Variants in NHERF2 observed in about 807,000 individuals in gnomAD.
NHERF2 encodes Na(+)/H(+) exchange regulatory cofactor NHE-RF2.
chr16:2,027,319 G>C, the NHERF2 span: 6 of 644,246 alleles, frequency 9.3e-6, no homozygotes, highest in Non-Finnish European at 1.1e-5. Flanking sequence ...CTCCCGCGGG[G>C]AGGACGCGGA....
chr16:2,029,872 C>T, the NHERF2 span: 1 of 1,199,468 alleles, frequency 8.3e-7, no homozygotes, highest in South Asian at 1.4e-5. Flanking sequence ...TGGTCACCTC[C>T]AGAAGTCTTG....
the NHERF2 span, chr16:2,027,161 TG>T: frequency 2.0e-6 from 3 of 1,476,002 alleles, no homozygotes; most frequent in South Asian, 1.3e-5. Context: ...CGCTGCGCGC[TG>T]GGGACCGCCT....
the NHERF2 span, among the ~76,000 whole-genome samples, chr16:2,032,619 G>C: frequency 6.6e-6 from 1 of 152,234 alleles, no homozygotes; most frequent in African/African-American, 2.4e-5. This position sits in a 1 kb window ranked among gnomAD's most constrained non-coding sequence, Gnocchi z 4.0. Context: ...AGTGTCCTCT[G>C]TCCTGGCTGG....
At chr16:2,030,507 C>T in the NHERF2 span, among the ~76,000 whole-genome samples, 5 of 152,086 alleles carry the variant, frequency 3.3e-5, no homozygotes, top group Admixed American at 2.6e-4. Context: ...GCTAGGTGGC[C>T]GACTGGGAGG....
chr16:2,035,414 T>C, the NHERF2 span: 3 of 985,356 alleles, frequency 3.0e-6, no homozygotes, highest in Non-Finnish European at 3.6e-6. Flanking sequence ...TGGCCTGTGG[T>C]CCCTCAGGGA....
the NHERF2 span, chr16:2,036,413 C>G: frequency 1.7e-5 from 27 of 1,608,676 alleles, no homozygotes; most frequent in Non-Finnish European, 2.0e-5. Flanking sequence ...TGCATAGTGA[C>G]AAGTCCCGGC....
At chr16:2,035,793 C>G in the NHERF2 span, 1 of 611,410 alleles carries the variant, frequency 1.6e-6, no homozygotes, top group Non-Finnish European at 2.0e-6. Flanking sequence ...CCAGCCCCTG[C>G]TTGCTGGGCC....
the NHERF2 span, chr16:2,038,003 C>G: frequency 1.9e-6 from 3 of 1,612,944 alleles, no homozygotes; most frequent in South Asian, 3.3e-5. Context: ...CTGCCTGTCT[C>G]GGGACCCTGG....
chr16:2,037,578 C>T, the NHERF2 span: 1 of 1,612,926 alleles, frequency 6.2e-7, no homozygotes. Context: ...AGTGACCTGC[C>T]TGGTTCCGAC....
At chr16:2,030,156 G>C in the NHERF2 span, among the ~76,000 whole-genome samples, 1 of 152,228 alleles carries the variant, frequency 6.6e-6, no homozygotes, top group Admixed American at 6.5e-5. Context: ...CCTGTGCTGG[G>C]TGTCATCCGT....
chr16:2,033,676 G>T, the NHERF2 span, among the ~76,000 whole-genome samples: 3 of 152,220 alleles, frequency 2.0e-5, no homozygotes, highest in African/African-American at 7.2e-5. Context: ...GCTCTGTGCT[G>T]GCCGCCGGCA....
At chr16:2,027,135 C>T in the NHERF2 span, 1 of 1,473,594 alleles carries the variant, frequency 6.8e-7, no homozygotes, top group South Asian at 1.3e-5. Flanking sequence ...ACCCGGTTCC[C>T]CCGCCGAGGC....
At chr16:2,028,367 G>A in the NHERF2 span, among the ~76,000 whole-genome samples, 35 of 152,206 alleles carry the variant, frequency 2.3e-4, no homozygotes, top group Admixed American at 2.3e-3. Flanking sequence ...GGGTAGGGCT[G>A]CCAGGGCTGG....
At chr16:2,027,281 G>C in the NHERF2 span, 17 of 1,061,044 alleles carry the variant, frequency 1.6e-5, no homozygotes, top group African/African-American at 2.5e-4. Context: ...CCTGGGGCGA[G>C]CAGGGGTCGC....
the NHERF2 span, chr16:2,038,241 C>T: frequency 1.7e-6 from 1 of 572,686 alleles, no homozygotes; most frequent in South Asian, 2.0e-5. Context: ...GAGAGAGAGA[C>T]ACAGAGAGAG....
the NHERF2 span, chr16:2,038,241 C>G: frequency 1.2e-4 from 66 of 572,654 alleles, no homozygotes; most frequent in Middle Eastern, 1.3e-3. Flanking sequence ...GAGAGAGAGA[C>G]ACAGAGAGAG....
the NHERF2 span, among the ~76,000 whole-genome samples, chr16:2,030,846 C>T: frequency 6.6e-6 from 1 of 151,900 alleles, no homozygotes; most frequent in African/African-American, 2.4e-5. Flanking sequence ...GAGGCTGAGG[C>T]AGGAGAGTCG....
At chr16:2,037,410 C>G in the NHERF2 span, 1 of 917,692 alleles carries the variant, frequency 1.1e-6, no homozygotes, top group East Asian at 2.6e-5. Context: ...CTGGAGTCCA[C>G]CAGAGGCCCG....
At chr16:2,036,764 G>T in the NHERF2 span, 1 of 1,613,384 alleles carries the variant, frequency 6.2e-7, no homozygotes. Context: ...GCGCCATGCT[G>T]AGGTGGTGGC....
Sources: gnomAD v4.1 joint callset for allele counts (sites outside exome capture counted in the v4.1 genomes callset) on GRCh38, gnomAD v4.1.1 for gene constraint, Gnocchi (gnomAD v3.1) non-coding constraint, MANE v1.5 for transcripts, NCBI Gene and HGNC (gene_info 2026-07-23, HGNC 2026-07-21) for gene names.